Variants in PTPRT observed in about 807,000 individuals in gnomAD.
The protein encoded by PTPRT is protein tyrosine phosphatase receptor type T.
PTPRT carries 56 observed loss-of-function variants against 176.8 expected under a neutral mutation model. The observed-to-expected ratio is 0.32, with a 90% CI of 0.26 to 0.40. PTPRT has a LOEUF of 0.40. Ranked by LOEUF, PTPRT falls within the 10% of genes least tolerant of loss-of-function variation. The pLI, the probability that PTPRT is intolerant of heterozygous loss-of-function variation, is 1.00. For missense variants in PTPRT, 1,540 were observed against 1,908.2 expected, an observed-to-expected ratio of 0.81 and a Z score of 3.60; for synonymous variants, 783 against 739.0, an observed-to-expected ratio of 1.06 and a Z score of -0.96.
chr20:42,172,047 G>T (rs1176030744), intron 16 of PTPRT, among the ~76,000 whole-genome samples: 1 of 151,858 alleles, frequency 6.6e-6, no homozygotes, highest in Non-Finnish European at 1.5e-5. Flanking sequence ...CAATCAAAGA[G>T]ACTATTAAGT....
At chr20:42,600,714 C>T (rs1368828430) in intron 7 of PTPRT, among the ~76,000 whole-genome samples, 3 of 152,134 alleles carry the variant, frequency 2.0e-5, no homozygotes, top group Non-Finnish European at 4.4e-5. Flanking sequence ...GCATTTTTGA[C>T]TTTATGTGCC....
chr20:42,777,809 TG>T (rs139523797), intron 4 of PTPRT, among the ~76,000 whole-genome samples: 2 of 152,192 alleles, frequency 1.3e-5, no homozygotes, highest in Non-Finnish European at 2.9e-5. Flanking sequence ...TCGTGAGCTG[TG>T]GATATACCTC....
chr20:42,117,752 CTG>C (rs1324230760), intron 21 of PTPRT, among the ~76,000 whole-genome samples: 1 of 152,092 alleles, frequency 6.6e-6, no homozygotes, highest in African/African-American at 2.4e-5. Flanking sequence ...CAGAGCCACC[CTG>C]TGAGTCTTTA....
chr20:42,604,633 C>T (rs973927273), intron 7 of PTPRT, among the ~76,000 whole-genome samples: 1 of 152,166 alleles, frequency 6.6e-6, no homozygotes, highest in East Asian at 1.9e-4. Context: ...ATGCACACAT[C>T]CACTAGGGAG....
chr20:42,204,473 AC>A (rs1385243437), intron 15 of PTPRT, among the ~76,000 whole-genome samples: 2 of 152,198 alleles, frequency 1.3e-5, no homozygotes, highest in Non-Finnish European at 2.9e-5. Context: ...AGCAGGGGGT[AC>A]CAAAAGCTGA....
chr20:42,161,284 G>T, intron 17 of PTPRT, 68 bp downstream of exon 17: 2 of 1,576,926 alleles, frequency 1.3e-6, no homozygotes, highest in East Asian at 2.2e-5. Context: ...ACTTTTTGTA[G>T]CAAGGCTTTA....
intron 12 of PTPRT, among the ~76,000 whole-genome samples, chr20:42,299,667 GAC>G (rs1171699728): frequency 1.5e-4 from 2 of 13,472 alleles, no homozygotes; most frequent in African/African-American, 1.2e-3. Flanking sequence ...TTTTTTTTGA[GAC>G]ACAGTTTCAC....
At chr20:42,211,821 C>T (rs1312224760) in intron 15 of PTPRT, among the ~76,000 whole-genome samples, 1 of 151,412 alleles carries the variant, frequency 6.6e-6, no homozygotes, top group Non-Finnish European at 1.5e-5. Context: ...GACTATAAAT[C>T]ATGCTGCTAT....
intron 7 of PTPRT, among the ~76,000 whole-genome samples, chr20:42,558,428 C>T (rs369154273): frequency 2.6e-5 from 4 of 152,234 alleles, no homozygotes; most frequent in African/African-American, 9.6e-5. Context: ...CTGCAATGAA[C>T]ATACACATGT....
At chr20:43,098,732 A>G (rs1432612653) in intron 1 of PTPRT, among the ~76,000 whole-genome samples, 1 of 152,174 alleles carries the variant, frequency 6.6e-6, no homozygotes, top group Non-Finnish European at 1.5e-5. Context: ...AATTACCTCC[A>G]GAATAAACGC....
intron 1 of PTPRT, among the ~76,000 whole-genome samples, chr20:42,922,540 C>T (rs1486968442): frequency 1.3e-5 from 2 of 152,220 alleles, no homozygotes; most frequent in African/African-American, 4.8e-5. Flanking sequence ...TACTCTTCTC[C>T]AAACCCGTTC....
At chr20:42,084,547 C>T (rs968712450) in intron 29 of PTPRT, 135 bp downstream of exon 29, 1 of 710,068 alleles carries the variant, frequency 1.4e-6, no homozygotes, top group Non-Finnish European at 2.0e-6. Context: ...AATGTACTGC[C>T]ACTAGCCTTT....
chr20:42,783,930 G>A (rs1490771481), intron 3 of PTPRT, among the ~76,000 whole-genome samples: 1 of 152,108 alleles, frequency 6.6e-6, no homozygotes, highest in Non-Finnish European at 1.5e-5. Context: ...GTCAGTAAAT[G>A]GAGGCCGAGA....
intron 2 of PTPRT, among the ~76,000 whole-genome samples, chr20:42,843,201 A>G (rs1181803132): frequency 6.6e-6 from 1 of 152,238 alleles, no homozygotes; most frequent in Non-Finnish European, 1.5e-5. Context: ...AGAGATTTGG[A>G]AAATAAACTA....
At chr20:42,612,224 A>C (rs2073987492) in intron 7 of PTPRT, among the ~76,000 whole-genome samples, 1 of 152,182 alleles carries the variant, frequency 6.6e-6, no homozygotes, top group Non-Finnish European at 1.5e-5. Context: ...ATATATGACA[A>C]AACTCCCAAT....
chr20:43,140,754 A>G (rs1403659909), intron 1 of PTPRT, among the ~76,000 whole-genome samples: 1 of 151,994 alleles, frequency 6.6e-6, no homozygotes, highest in Non-Finnish European at 1.5e-5. Flanking sequence ...TACTTTTTTG[A>G]GACTTAATGC....
intron 7 of PTPRT, chr20:42,606,986 C>T (rs2073888795): frequency 6.6e-6 from 1 of 152,158 alleles, no homozygotes; most frequent in South Asian, 2.1e-4. Flanking sequence ...TAAAATGTGG[C>T]ACATACATAG....
intron 13 of PTPRT, among the ~76,000 whole-genome samples, chr20:42,280,239 T>C (rs559736982): frequency 6.6e-6 from 1 of 152,204 alleles, no homozygotes; most frequent in East Asian, 1.9e-4. Context: ...CAACCCTAGG[T>C]ACTCTAAGCA....
intron 1 of PTPRT, among the ~76,000 whole-genome samples, chr20:42,950,913 T>C (rs895592198): frequency 1.3e-5 from 2 of 152,220 alleles, no homozygotes; most frequent in Admixed American, 6.5e-5. Flanking sequence ...GTCCAAATTT[T>C]GAGGCACGTG....
Sources: gnomAD v4.1 joint callset for allele counts (sites outside exome capture counted in the v4.1 genomes callset) on GRCh38, gnomAD v4.1.1 for gene constraint, MANE v1.5 for transcripts, NCBI Gene and HGNC (gene_info 2026-07-23, HGNC 2026-07-21) for gene names.